Variants in AKNA observed in about 807,000 individuals in gnomAD.
AKNA encodes the protein AT-hook transcription factor, also known as microtubule organization protein AKNA.
A neutral mutation model predicts 138.8 loss-of-function variants in AKNA; 67 were observed. That is an observed-to-expected ratio of 0.48 (90% CI 0.40 to 0.59). AKNA has a LOEUF of 0.59. AKNA is among the 20% of genes least tolerant of loss of function. The pLI, the probability that AKNA is intolerant of heterozygous loss-of-function variation, is 0.00. For synonymous variants in AKNA, 737 were observed against 754.4 expected, an observed-to-expected ratio of 0.98 and a Z score of 0.38; for missense variants, 1,813 against 1,880.4, an observed-to-expected ratio of 0.96 and a Z score of 0.66.
Position 114,351,021 on chromosome 9 carries a change from G to C in AKNA, c.3059C>G (p.Ala1020Gly), listed in dbSNP as rs370106843. ...CCCCTCAAACTCTGAGCCAGGAACCGCTAGGGAGGCAGAGAGAGAACCCAA... is the reference window on the plus strand; with the variant it reads ...CCCCTCAAACTCTGAGCCAGGAACCCCTAGGGAGGCAGAGAGAGAACCCAA... ...SLERTLAAEM[A>G]VPGSEFEGHK... is the part of the protein sequence containing the mutation. The change falls in exon 15 of 22, where the codon GCG (alanine) becomes GGG (glycine). Residue 1020 changes from alanine (A) to glycine (G), a missense_variant and splice_region_variant. Physicochemically the swap from Ala to Gly is moderately conservative, Grantham distance 60. Transcript: ENST00000374088. The C allele has an allele frequency of 5.4e-5, 87 of 1,613,156 alleles. No homozygotes were observed. Among genetic ancestry groups the C allele is most frequent in the Non-Finnish European group, 5.4e-5 (64 of 1,179,682 alleles).
chr9:114,333,117 G>A (rs1460328143), downstream of AKNA: 2 of 1,581,298 alleles, frequency 1.3e-6, no homozygotes, highest in Non-Finnish European at 1.7e-6. Context: ...GAGGAAACAG[G>A]AGGAGGGGGA....
Position 114,376,657 on chromosome 9 carries a change from G to T in AKNA, c.1150C>A (p.His384Asn). The T allele has an allele frequency of 2.5e-6, 4 of 1,613,942 alleles. No individual in the cohort carries two copies. Among genetic ancestry groups the T allele is most frequent in the Non-Finnish European group, 3.4e-6 (4 of 1,179,960 alleles). ...ESYRPPKSRS[H>N]NRKPQAPARP... Reference sequence around the variant, plus strand: ...GCAGGGGCCTGAGGCTTCCTGTTGTGGCTTCTGGACTTGGGGGGACGGTAG... The same window carrying T: ...GCAGGGGCCTGAGGCTTCCTGTTGTTGCTTCTGGACTTGGGGGGACGGTAG... The change falls in exon 3 of 22, where the codon CAC becomes AAC. Residue 384 changes from histidine (H) to asparagine (N), a missense_variant. By Grantham distance (68) the His-to-Asn change is moderately conservative. Coordinates refer to ENST00000374088, the MANE Select transcript of AKNA (RefSeq NM_001317950.2).
intron 2 of AKNA, among the ~76,000 whole-genome samples, chr9:114,380,819 G>GA (rs199980634): frequency 1.7e-3 from 125 of 74,080 alleles, no homozygotes; most frequent in Admixed American, 4.1e-3. Flanking sequence ...ACTAAAAAAA[G>GA]AAAAAAAAAA....
chr9:114,377,704 T>C, intron 2 of AKNA, 172 bp from the exon 3 acceptor site: 1 of 700,044 alleles, frequency 1.4e-6, no homozygotes, highest in Non-Finnish European at 2.3e-6. Flanking sequence ...CTGATCTGAT[T>C]ATCTCAGAGG....
intron 4 of AKNA, among the ~76,000 whole-genome samples, chr9:114,370,282 C>A (rs1832676265): frequency 6.6e-6 from 1 of 152,244 alleles, no homozygotes. Context: ...TCAGACTCCC[C>A]TGTGGGGGCC....
At position 114,346,681 on chromosome 9, in the gene AKNA, G is replaced by A. The variant is rs765932672; in HGVS notation, c.3502C>T (p.Arg1168Ter). 7.5e-6 allele frequency: 12 copies of A among 1,609,922 alleles called. No individual in the cohort carries two copies. The highest frequency in any genetic ancestry group is 1.7e-5 in the Admixed American group (1 of 59,288). ...RSSSVPREVL[R>*]LSLSSESELP... ...GGTGGTCACTTACTCAGGGACAGTC[G>A]GAGCACCTCCCGAGGCACTGAGGAA... Residue 1168 changes from arginine to a stop codon, truncating the protein, a stop_gained, in exon 17 of 22, where the codon CGA (arginine) becomes TGA (stop). Coordinates refer to ENST00000374088, the MANE Select transcript of AKNA (RefSeq NM_001317950.2). LOFTEE classifies it high-confidence loss of function.
At chr9:114,332,821 T>C (rs904522941), downstream of AKNA, among the ~76,000 whole-genome samples, 2 of 152,316 alleles carry the variant, frequency 1.3e-5, no homozygotes, top group South Asian at 2.1e-4. Context: ...GCAGGTACTA[T>C]GTGCTCAGTA....
At chr9:114,345,552 G>A (rs1460533684) in intron 18 of AKNA, 4 of 253,006 alleles carry the variant, frequency 1.6e-5, no homozygotes, top group South Asian at 6.6e-5. Context: ...TGTATGCTCC[G>A]AGCCGGAAAA....
intron 20 of AKNA, 102 bp downstream of exon 20, chr9:114,341,907 A>C (rs1199860957): frequency 7.4e-7 from 1 of 1,350,064 alleles, no homozygotes; most frequent in Non-Finnish European, 1.1e-6. Flanking sequence ...TCTGTCCCAG[A>C]CTGGAACAAC....
intron 1 of AKNA, among the ~76,000 whole-genome samples, chr9:114,386,626 T>C (rs907413775): frequency 3.9e-5 from 6 of 152,024 alleles, no homozygotes; most frequent in African/African-American, 1.2e-4. Context: ...CACAAGGAAG[T>C]AGCAGCCACT....
intron 6 of AKNA, among the ~76,000 whole-genome samples, chr9:114,365,612 TAC>T (rs1333579338): frequency 6.6e-6 from 1 of 151,790 alleles, no homozygotes; most frequent in African/African-American, 2.4e-5. Flanking sequence ...TAATGTGAGC[TAC>T]ACCATCTATA....
intron 20 of AKNA, 116 bp from the exon 21 acceptor site, chr9:114,341,841 G>T: frequency 1.5e-6 from 2 of 1,339,342 alleles, no homozygotes; most frequent in Non-Finnish European, 2.1e-6. Context: ...CCTACCCTGT[G>T]AGACTCCATG....
chr9:114,377,842 C>G (rs1833358323), intron 2 of AKNA, among the ~76,000 whole-genome samples: 1 of 152,230 alleles, frequency 6.6e-6, no homozygotes, highest in Non-Finnish European at 1.5e-5. Context: ...TTTGCCATCT[C>G]TCTCCCTCTA....
chr9:114,368,473 G>A lies in AKNA; in HGVS notation c.1539C>T (p.Gly513=). 7.5e-7 allele frequency: 1 copy of A among 1,336,172 alleles called. No homozygotes were observed. The highest frequency in any genetic ancestry group is 9.7e-7 in the Non-Finnish European group (1 of 1,033,336). The allele number at this position is 1,336,172 out of a possible 1,614,324, so 82.8% of individuals were successfully genotyped here. A position where few individuals can be genotyped will look rare whatever the true frequency, so the allele number is the denominator to read the frequency against. ...PQPRSAEWWP[G]PAEDPQASAA... is the part of the protein sequence containing the mutation. ...CAGAGGCCTGGGGGTCCTCGGCCGG[G>A]CCCGGCCACCACTCTGCAGAGCGGG... The change falls in exon 5 of 22, where the codon GGC becomes GGT. Residue 513 remains glycine, a synonymous_variant. Transcript: ENST00000374088.
At chr9:114,343,836 C>T (rs1412150343) in intron 18 of AKNA, 33 bp from the exon 19 acceptor site, 4 of 1,559,020 alleles carry the variant, frequency 2.6e-6, no homozygotes, top group Non-Finnish European at 3.5e-6. Flanking sequence ...TCAGTATCAG[C>T]CCTGTGGATG....
Position 114,356,095 on chromosome 9 carries a change from G to C in AKNA, c.2888C>G (p.Pro963Arg). Residue 963 changes from proline (P) to arginine (R), a missense_variant, in exon 14 of 22, where the codon CCC becomes CGC. Transcript: ENST00000374088. The part of the protein sequence containing the change: ...TLAQPFAASV[P>R]RDGASYPKAR... ...CTTGGGGTAGGAAGCTCCATCCCTGGGCACAGATGCAGCAAAGGGCTGGGC... is the reference window on the plus strand; with the variant it reads ...CTTGGGGTAGGAAGCTCCATCCCTGCGCACAGATGCAGCAAAGGGCTGGGC... 1.9e-6 allele frequency: 3 copies of C among 1,613,976 alleles called. No individual in the cohort carries two copies. The highest frequency in any genetic ancestry group is 2.5e-6 in the Non-Finnish European group (3 of 1,179,994).
At chr9:114,358,249 GC>G in intron 11 of AKNA, 82 bp from the exon 12 acceptor site, 1 of 1,574,454 alleles carries the variant, frequency 6.4e-7, no homozygotes, top group South Asian at 1.1e-5. Flanking sequence ...GAGCCAAGCA[GC>G]CCAGGGCACA....
At chr9:114,393,670 A>C (rs1183311093) in intron 1 of AKNA, among the ~76,000 whole-genome samples, 1 of 152,158 alleles carries the variant, frequency 6.6e-6, no homozygotes, top group Non-Finnish European at 1.5e-5. Context: ...TGCCGTTAAC[A>C]GTCATGCTAT....
At position 114,336,859 on chromosome 9, in the gene AKNA, T is replaced by C; in HGVS notation, c.*195A>G. On this transcript the variant is annotated 3_prime_UTR_variant, in exon 22 of 22. Coordinates refer to ENST00000374088, the MANE Select transcript of AKNA (RefSeq NM_001317950.2). ...GGACTGGTGCTCCTGGGAAGTCACT[T>C]CTCTTGGTGACCGAGCTGACACCCC... 1.6e-6 allele frequency: 1 copy of C among 630,318 alleles called. No individual in the cohort carries two copies. The highest frequency in any genetic ancestry group is 2.4e-6 in the Non-Finnish European group (1 of 416,406). 39.0% of individuals were successfully genotyped at this position (630,318 alleles called of 1,614,324 possible).
Sources: allele counts gnomAD v4.1 joint callset (sites outside exome capture counted in the v4.1 genomes callset), GRCh38; gene constraint gnomAD v4.1.1; transcripts MANE v1.5; gene names NCBI Gene and HGNC (gene_info 2026-07-23, HGNC 2026-07-21).